The following KCNQ3 variants were observed in gnomAD, a reference collection of about 807,000 sequenced individuals.
The protein encoded by KCNQ3 is potassium voltage-gated channel subfamily Q member 3, also known as potassium voltage-gated channel subfamily KQT member 3.
In KCNQ3, 30 loss-of-function variants were observed where a neutral mutation model predicts 92.5. The ratio of observed to expected loss-of-function variants is 0.32; its 90% CI spans 0.24 to 0.44. The LOEUF is 0.44. Among genes scored for constraint, KCNQ3 ranks in the 20% least tolerant of loss-of-function variants. The pLI, the probability that KCNQ3 is intolerant of heterozygous loss-of-function variation, is 1.00. For missense variants in KCNQ3, 913 were observed against 1,140.3 expected, an observed-to-expected ratio of 0.80 and a Z score of 2.87; for synonymous variants, 450 against 468.8, an observed-to-expected ratio of 0.96 and a Z score of 0.52.
chr8:132,230,588 A>G (rs745948635), intron 1 of KCNQ3, among the ~76,000 whole-genome samples: 1 of 152,240 alleles, frequency 6.6e-6, no homozygotes, highest in Non-Finnish European at 1.5e-5. Flanking sequence ...GAAAGATTTT[A>G]CAGACAGCAG....
At chr8:132,282,023 G>T (rs193088695) in intron 1 of KCNQ3, among the ~76,000 whole-genome samples, 45 of 152,202 alleles carry the variant, frequency 3.0e-4, no homozygotes, top group African/African-American at 8.7e-4. Flanking sequence ...CCTTCATGTG[G>T]TGGCTTCAAT....
At chr8:132,457,894 C>T (rs7462508) in intron 1 of KCNQ3, among the ~76,000 whole-genome samples, 1 of 152,144 alleles carries the variant, frequency 6.6e-6, no homozygotes, top group Non-Finnish European at 1.5e-5. Context: ...GCACAGGTGG[C>T]AAAACAGGGA....
At chr8:132,476,223 A>T (rs1225963097) in intron 1 of KCNQ3, among the ~76,000 whole-genome samples, 4 of 145,704 alleles carry the variant, frequency 2.7e-5, no homozygotes, top group Non-Finnish European at 4.6e-5. Context: ...GCTCTCATAG[A>T]GAACCTCTGT....
intron 1 of KCNQ3, among the ~76,000 whole-genome samples, chr8:132,382,088 G>A (rs1471679300): frequency 1.3e-5 from 2 of 152,230 alleles, no homozygotes; most frequent in African/African-American, 2.4e-5. Context: ...CTGGCCAGAA[G>A]GCATACTGTA....
chr8:132,220,438 T>C (rs117444551), intron 1 of KCNQ3, among the ~76,000 whole-genome samples: 6,125 of 152,294 alleles, frequency 0.04, 191 homozygotes, highest in Non-Finnish European at 0.059. Context: ...ATGGACTTTT[T>C]CCCAAATAAT....
intron 1 of KCNQ3, among the ~76,000 whole-genome samples, chr8:132,430,845 C>G (rs1821231003): frequency 6.6e-6 from 1 of 152,180 alleles, no homozygotes; most frequent in Non-Finnish European, 1.5e-5. Context: ...TCAACACCTT[C>G]CAACATGTTT....
At chr8:132,432,059 C>T (rs1300090480) in intron 1 of KCNQ3, among the ~76,000 whole-genome samples, 1 of 152,186 alleles carries the variant, frequency 6.6e-6, no homozygotes, top group Non-Finnish European at 1.5e-5. Context: ...ACCACAGGTA[C>T]AACACTTTCT....
intron 7 of KCNQ3, among the ~76,000 whole-genome samples, chr8:132,170,973 C>T (rs1020861681): frequency 4.0e-5 from 6 of 151,802 alleles, no homozygotes; most frequent in African/African-American, 1.5e-4. Flanking sequence ...GAGCCGTGAT[C>T]GCACCACTGC....
intron 9 of KCNQ3, 100 bp from the exon 10 acceptor site, chr8:132,141,431 A>ATGT: frequency 2.9e-6 from 3 of 1,039,116 alleles, no homozygotes; most frequent in Non-Finnish European, 4.4e-6. Flanking sequence ...TCCAAGGAGA[A>ATGT]ATGGGGACCG....
intron 5 of KCNQ3, among the ~76,000 whole-genome samples, chr8:132,175,207 A>G (rs777375113): frequency 6.6e-6 from 1 of 152,232 alleles, no homozygotes; most frequent in South Asian, 2.1e-4. Context: ...CTAAGTCCAT[A>G]AACGACCATG....
chr8:132,134,164 T>G, intron 13 of KCNQ3, 126 bp downstream of exon 13: 1 of 761,806 alleles, frequency 1.3e-6, no homozygotes, highest in Non-Finnish European at 2.4e-6. Flanking sequence ...CTTCAAACTC[T>G]TTCTTCATTT....
At chr8:132,320,943 C>T (rs1353971970) in intron 1 of KCNQ3, among the ~76,000 whole-genome samples, 1 of 152,198 alleles carries the variant, frequency 6.6e-6, no homozygotes, top group African/African-American at 2.4e-5. Flanking sequence ...CCACTGGAAT[C>T]ACCTGGGTGC....
chr8:132,393,717 A>C (rs1820110632), intron 1 of KCNQ3, among the ~76,000 whole-genome samples: 1 of 152,214 alleles, frequency 6.6e-6, no homozygotes, highest in Non-Finnish European at 1.5e-5. Context: ...TAAACTAAGG[A>C]CTGTTATTCC....
At chr8:132,448,502 G>A (rs1235968328) in intron 1 of KCNQ3, among the ~76,000 whole-genome samples, 93 of 93,818 alleles carry the variant, frequency 9.9e-4, no homozygotes, top group Non-Finnish European at 1.2e-3. Flanking sequence ...GGAGAAATAT[G>A]AAAAAAAAAA....
At chr8:132,230,727 TG>T (rs2130372063) in intron 1 of KCNQ3, among the ~76,000 whole-genome samples, 1 of 152,304 alleles carries the variant, frequency 6.6e-6, no homozygotes, top group East Asian at 1.9e-4. Flanking sequence ...AAACTGATTT[TG>T]TGTGTGTGTA....
chr8:132,403,125 G>A (rs773043656), intron 1 of KCNQ3, among the ~76,000 whole-genome samples: 3 of 151,812 alleles, frequency 2.0e-5, no homozygotes, highest in African/African-American at 4.8e-5. Context: ...GGGCAAGGAG[G>A]CATACAGAAA....
Position 132,180,284 on chromosome 8 carries a change from T to C in KCNQ3, c.650A>G (p.Asn217Ser), listed in dbSNP as rs771981916. The change falls in exon 4 of 15, where the codon AAC becomes AGC. Residue 217 changes from asparagine (N) to serine (S), a missense_variant. By Grantham distance (46) the Asn-to-Ser change is conservative. This residue lies in a region of KCNQ3 where 100 missense variants were observed against 217.6 expected (regional missense o/e 0.46). Transcript: ENST00000388996. ...IASVPVVAVGNQGNVLATSLR... is the reference protein window; with the variant it reads ...IASVPVVAVGSQGNVLATSLR... ...GGAGGTGGCCAGAACATTGCCTTGG[T>C]TTCCCACAGCAACCACTGGCACAGA... 3 of 1,613,944 alleles carry C rather than the reference T, an allele frequency of 1.9e-6. No individual in the cohort carries two copies.
rs886062669 is a variant in KCNQ3, at chr8:132,124,783, G to A, written c.*4479C>T. ...AAGCAAATTCCTAAGGATGCCTGGG[G>A]TTCAGGAAGCAAAGAAGAATCTTTG... On this transcript the variant is annotated 3_prime_UTR_variant, in exon 15 of 15. Transcript: ENST00000388996. 24 of 152,220 alleles carry A rather than the reference G, an allele frequency of 1.6e-4. No individual in the cohort carries two copies. The highest frequency in any genetic ancestry group is 2.2e-4 in the Non-Finnish European group (15 of 68,036). 9.4% of individuals were successfully genotyped at this position (152,220 alleles called of 1,614,324 possible).
intron 1 of KCNQ3, among the ~76,000 whole-genome samples, chr8:132,324,430 G>A (rs1817983175): frequency 6.6e-6 from 1 of 152,140 alleles, no homozygotes; most frequent in Non-Finnish European, 1.5e-5. Flanking sequence ...AGAAATGTGT[G>A]AATAAACAAA....
Sources: gnomAD v4.1 joint callset for allele counts (sites outside exome capture counted in the v4.1 genomes callset) on GRCh38, gnomAD v4.1.1 for gene constraint, gnomAD v4.1.1 regional missense constraint, MANE v1.5 for transcripts, NCBI Gene and HGNC (gene_info 2026-07-23, HGNC 2026-07-21) for gene names.